Variants in CTNND2 observed in about 807,000 individuals in gnomAD.
CTNND2 encodes catenin delta 2.
CTNND2 carries 22 observed loss-of-function variants against 144.4 expected under a neutral mutation model. The ratio of observed to expected loss-of-function variants is 0.15; its 90% CI spans 0.11 to 0.22. CTNND2 has a LOEUF of 0.22. CTNND2 is among the 10% of genes least tolerant of loss of function. The probability of loss-of-function intolerance (pLI) is 1.00; values close to 1 mark genes in which losing one functional copy is unlikely to be tolerated. For missense variants in CTNND2, 1,353 were observed against 1,618.8 expected, an observed-to-expected ratio of 0.84 and a Z score of 2.82; for synonymous variants, 751 against 695.6, an observed-to-expected ratio of 1.08 and a Z score of -1.25.
chr5:11,517,081 C>A (rs909050882), intron 3 of CTNND2, among the ~76,000 whole-genome samples: 2 of 152,176 alleles, frequency 1.3e-5, no homozygotes, highest in Admixed American at 6.5e-5. Flanking sequence ...TCAGGAAGTT[C>A]TAGTTGCTGA....
At chr5:11,110,801 T>C in intron 14 of CTNND2, 57 bp downstream of exon 14, 1 of 1,513,868 alleles carries the variant, frequency 6.6e-7, no homozygotes, top group Non-Finnish European at 9.0e-7. Flanking sequence ...TGAGGATATA[T>C]TACAGTTGCA....
intron 16 of CTNND2, among the ~76,000 whole-genome samples, chr5:11,056,078 G>A (rs1432140824): frequency 6.6e-6 from 1 of 152,198 alleles, no homozygotes; most frequent in Admixed American, 6.5e-5. Context: ...TCACGGAGAT[G>A]GGGCGGAGTG....
At chr5:11,178,880 T>C (rs1024597615) in intron 11 of CTNND2, among the ~76,000 whole-genome samples, 6 of 152,188 alleles carry the variant, frequency 3.9e-5, no homozygotes, top group Non-Finnish European at 8.8e-5. Context: ...TAGAAAGACA[T>C]ATGTCCTACT....
At chr5:11,827,413 T>C (rs963482517) in intron 1 of CTNND2, among the ~76,000 whole-genome samples, 7 of 152,022 alleles carry the variant, frequency 4.6e-5, no homozygotes, top group African/African-American at 1.7e-4. Context: ...CTTAATAAGA[T>C]GCGAAGTAAC....
intron 3 of CTNND2, among the ~76,000 whole-genome samples, chr5:11,465,303 T>TA (rs1491372602): frequency 1.1e-5 from 1 of 92,208 alleles, no homozygotes; most frequent in Non-Finnish European, 1.9e-5. Context: ...AAAACTGAAC[T>TA]TTTTTTTTTT....
In CTNND2 at chr5:11,523,941, C is replaced by G. The variant is rs555213268; in HGVS notation, c.287+41003G>C. 4.6e-5 allele frequency among the ~76,000 whole-genome samples: 7 copies of G among 152,304 alleles called. No homozygotes were observed. The East Asian group carries it at 1.4e-3, about 29-fold the overall frequency. ...TCTGGTGCTCTATCTGTGTTGCTGTCACAGTGATTCCTCAGCTAATTAATC... is the reference window on the plus strand; with the variant it reads ...TCTGGTGCTCTATCTGTGTTGCTGTGACAGTGATTCCTCAGCTAATTAATC... On this transcript the variant is annotated intron_variant, in intron 3 of 21. Coordinates refer to ENST00000304623, the MANE Select transcript of CTNND2 (RefSeq NM_001332.4).
intron 18 of CTNND2, among the ~76,000 whole-genome samples, chr5:10,997,906 G>A (rs1739526807): frequency 6.6e-6 from 1 of 152,216 alleles, no homozygotes; most frequent in South Asian, 2.1e-4. Flanking sequence ...TGGCACAGCT[G>A]TAGGACTGGT....
At chr5:11,333,525 G>T (rs1753400326) in intron 9 of CTNND2, among the ~76,000 whole-genome samples, 1 of 152,176 alleles carries the variant, frequency 6.6e-6, no homozygotes, top group Non-Finnish European at 1.5e-5. Context: ...TTCCCCAGAT[G>T]ATATTAGAGG....
Position 11,732,192 on chromosome 5 carries a change from C to T in CTNND2, c.118G>A (p.Gly40Arg), listed in dbSNP as rs757438938. ...SLSPGLNTSN[G>R]DGSETETTSA... ...GTGGTTTCTGTTTCAGAGCCATCCC[C>T]GTTGGAGGTGTTTAAGCCGGGGCTC... The change falls in exon 2 of 22, where the codon GGG becomes AGG. Residue 40 changes from glycine (G) to arginine (R), a missense_variant. This residue lies in a region of CTNND2 where 708 missense variants were observed against 706.4 expected (regional missense o/e 1.00). Transcript: ENST00000304623. 26 of 1,613,980 alleles carry T rather than the reference C, an allele frequency of 1.6e-5. No individual in the cohort carries two copies. The highest frequency in any genetic ancestry group is 3.3e-5 in the South Asian group (3 of 91,070).
chr5:11,778,581 A>G (rs553901025), intron 1 of CTNND2, among the ~76,000 whole-genome samples: 1 of 152,338 alleles, frequency 6.6e-6, no homozygotes, highest in East Asian at 1.9e-4. Flanking sequence ...GAGATATTCT[A>G]CAATATACCA....
intron 11 of CTNND2, among the ~76,000 whole-genome samples, chr5:11,181,517 T>C (rs1389844333): frequency 6.6e-6 from 1 of 152,124 alleles, no homozygotes; most frequent in Non-Finnish European, 1.5e-5. Context: ...CTGTGGAAGC[T>C]TCTGCCAAGC....
At chr5:11,600,149 G>A (rs1779708865) in intron 2 of CTNND2, among the ~76,000 whole-genome samples, 1 of 152,130 alleles carries the variant, frequency 6.6e-6, no homozygotes, top group Non-Finnish European at 1.5e-5. Flanking sequence ...CAGTGTTGGA[G>A]GCAATCACTG....
intron 9 of CTNND2, among the ~76,000 whole-genome samples, chr5:11,267,874 G>T (rs26463): frequency 0.16 from 23,664 of 152,170 alleles, 2,120 homozygotes; most frequent in African/African-American, 0.23. Context: ...GATGTTGAAC[G>T]TGAAGTCATA....
chr5:11,334,231 C>T (rs1013586552), intron 9 of CTNND2, among the ~76,000 whole-genome samples: 1 of 152,080 alleles, frequency 6.6e-6, no homozygotes, highest in South Asian at 2.1e-4. Context: ...AAATCATACA[C>T]GTTTGAGGTG....
intron 6 of CTNND2, among the ~76,000 whole-genome samples, chr5:11,388,501 T>C (rs901978196): frequency 6.6e-6 from 1 of 152,240 alleles, no homozygotes; most frequent in Non-Finnish European, 1.5e-5. Flanking sequence ...TCTAAGCTCC[T>C]CTGCAGTTTA....
intron 3 of CTNND2, among the ~76,000 whole-genome samples, chr5:11,435,971 A>T (rs1220955848): frequency 2.0e-5 from 3 of 152,212 alleles, no homozygotes; most frequent in African/African-American, 7.2e-5. Context: ...AAGATAAAAT[A>T]ACAGTTGTGA....
At chr5:11,189,952 G>A (rs1247356486) in intron 11 of CTNND2, among the ~76,000 whole-genome samples, 2 of 152,338 alleles carry the variant, frequency 1.3e-5, no homozygotes, top group East Asian at 3.9e-4. Flanking sequence ...GCTGAGGGTT[G>A]TAAGTTTTTG....
Position 11,236,754 on chromosome 5 carries a change from G to C in CTNND2, c.1698C>G (p.Val566=). The part of the protein sequence containing the change: ...IQMLQHQFPS[V]QSNAAAYLQH... ...GCAAGTAGGCTGCCGCGTTAGACTG[G>C]ACCGAGGGAAACTGGTGCTGCAACA... Residue 566 remains valine (V), a synonymous_variant, in exon 10 of 22, where the codon GTC becomes GTG. Coordinates refer to ENST00000304623, the MANE Select transcript of CTNND2 (RefSeq NM_001332.4). 6.2e-7 allele frequency: 1 copy of C among 1,614,174 alleles called. No individual in the cohort carries two copies. Among genetic ancestry groups the C allele is most frequent in the South Asian group, 1.1e-5 (1 of 91,086 alleles).
intron 11 of CTNND2, among the ~76,000 whole-genome samples, chr5:11,197,325 A>T (rs1318430448): frequency 6.6e-6 from 1 of 152,252 alleles, no homozygotes; most frequent in African/African-American, 2.4e-5. Flanking sequence ...CATCTATTGA[A>T]GTAACAACCA....
Sources: allele counts gnomAD v4.1 joint callset (sites outside exome capture counted in the v4.1 genomes callset), GRCh38; gene constraint gnomAD v4.1.1; regional missense constraint gnomAD v4.1.1; transcripts MANE v1.5; gene names NCBI Gene and HGNC (gene_info 2026-07-23, HGNC 2026-07-21).